Variants in UBXN2A observed in about 807,000 individuals in gnomAD.
The protein encoded by UBXN2A is UBX domain protein 2A.
UBXN2A carries 28 observed loss-of-function variants against 28.4 expected under a neutral mutation model. The ratio of observed to expected loss-of-function variants is 0.99; its 90% confidence interval spans 0.73 to 1.35. The LOEUF is 1.35. UBXN2A is among the 40% of genes most tolerant of loss of function. The pLI, the probability that UBXN2A is intolerant of heterozygous loss-of-function variation, is 0.00. For missense variants in UBXN2A, 253 were observed against 297.9 expected, an observed-to-expected ratio of 0.85 and a Z score of 1.11; for synonymous variants, 97 against 103.6, an observed-to-expected ratio of 0.94 and a Z score of 0.39.
chr2:23,939,845 C>T (rs1331471005), upstream of UBXN2A, among the ~76,000 whole-genome samples: 1 of 152,076 alleles, frequency 6.6e-6, no homozygotes, highest in Non-Finnish European at 1.5e-5. Flanking sequence ...CGCGGTGGCT[C>T]ACGCCTGTAA....
chr2:23,943,111 A>G (rs1055960170), intron 1 of UBXN2A, among the ~76,000 whole-genome samples: 1 of 151,886 alleles, frequency 6.6e-6, no homozygotes, highest in South Asian at 2.1e-4. Flanking sequence ...ATGCGCCACC[A>G]TGCCTGGCTA....
intron 6 of UBXN2A, among the ~76,000 whole-genome samples, chr2:23,989,094 T>C (rs1397975679): frequency 2.6e-5 from 4 of 152,084 alleles, no homozygotes; most frequent in Admixed American, 2.6e-4. Context: ...TTGAAAAGAA[T>C]TGTTTGTGTG....
intron 1 of UBXN2A, among the ~76,000 whole-genome samples, chr2:23,953,971 C>T (rs1573548070): frequency 1.3e-5 from 2 of 152,158 alleles, no homozygotes; most frequent in Admixed American, 6.6e-5. Flanking sequence ...TGCCTAGATT[C>T]ATTATTGCAT....
At position 23,988,872 on chromosome 2, in the gene UBXN2A, G is replaced by A. The variant is rs528563188; in HGVS notation, c.584+4041G>A. Among the ~76,000 whole-genome samples, 5 of 152,240 alleles carry A rather than the reference G, an allele frequency of 3.3e-5. No homozygotes were observed. In the East Asian group the frequency reaches 7.7e-4, roughly 24 times the overall value. ...TTGTCTCAGGTACAGTTTGTGAGAC[G>A]TCCTTTAAACTGATTCCTGTGTTAT... is the stretch of plus-strand genomic sequence containing the variant. On this transcript the variant is annotated intron_variant, in intron 6 of 6. Transcript: ENST00000309033.
At chr2:23,971,183 G>C (rs1707399954) in intron 2 of UBXN2A, 93 bp from the exon 3 acceptor site, 1 of 1,331,878 alleles carries the variant, frequency 7.5e-7, no homozygotes. Flanking sequence ...CATGCACGTA[G>C]CATCTAAGTT....
rs79851837 is a variant in UBXN2A at position 23,966,456 on chromosome 2, CTTTTTTT to C, written c.42-4812_42-4806del. Among the ~76,000 whole-genome samples the C allele has an allele frequency of 2.4e-5, 3 of 122,918 alleles. No homozygotes were observed. The Admixed American group carries it at 2.5e-4, about 10-fold the overall frequency. 80.6% of individuals were successfully genotyped at this position (122,918 alleles called of 152,430 possible). On this transcript the variant is annotated intron_variant, in intron 2 of 6. Coordinates refer to ENST00000309033, the MANE Select transcript of UBXN2A (RefSeq NM_181713.4). ...GGCCTGGTAGATATTTTCTTTTTTTCTTTTTTTTTTTTTTGAGACAGAGTCTCGCTCT... is the reference window on the plus strand; with the variant it reads ...GGCCTGGTAGATATTTTCTTTTTTTCTTTTTTTGAGACAGAGTCTCGCTCT...
At chr2:23,992,447 A>G (rs1364310105) in intron 6 of UBXN2A, among the ~76,000 whole-genome samples, 1 of 152,252 alleles carries the variant, frequency 6.6e-6, no homozygotes, top group South Asian at 2.1e-4. Context: ...CTGTTCGTTC[A>G]GATTCTTCGT....
Position 23,940,631 on chromosome 2 carries a change from G to C in UBXN2A, c.-32G>C, listed in dbSNP as rs1278659626. 3.3e-5 allele frequency: 5 copies of C among 151,616 alleles called. No individual in the cohort carries two copies. The East Asian group carries it at 9.6e-4, about 29-fold the overall frequency. 9.4% of individuals were successfully genotyped at this position (151,616 alleles called of 1,614,324 possible). A position where few individuals can be genotyped will look rare whatever the true frequency, so the allele number is the denominator to read the frequency against. ...GCCTGAGCTGAGTGAGGCCGAGGCCGGGAGGCCGTGCCCGGAGGTGAGCGT... is the reference window on the plus strand; with the variant it reads ...GCCTGAGCTGAGTGAGGCCGAGGCCCGGAGGCCGTGCCCGGAGGTGAGCGT... On this transcript the variant is annotated 5_prime_UTR_variant, in exon 1 of 7. Transcript: ENST00000309033.
At chr2:23,931,979 C>T (rs1426267477) in intron 1 of UBXN2A, among the ~76,000 whole-genome samples, 5 of 151,760 alleles carry the variant, frequency 3.3e-5, no homozygotes, top group Admixed American at 3.3e-4. Context: ...CCATTGCACT[C>T]CAGCCTGGGT....
At chr2:23,949,465 G>A (rs901303475) in intron 1 of UBXN2A, among the ~76,000 whole-genome samples, 1 of 151,984 alleles carries the variant, frequency 6.6e-6, no homozygotes, top group Admixed American at 6.6e-5. Context: ...CCAGCTACTC[G>A]GGAGGCTGAG....
chr2:23,982,905 T>G lies in UBXN2A; in HGVS notation c.297T>G (p.Pro99=). 6.2e-7 allele frequency: 1 copy of G among 1,603,242 alleles called. No homozygotes were observed. Among genetic ancestry groups the G allele is most frequent in the Non-Finnish European group, 8.5e-7 (1 of 1,175,556 alleles). ...TTCTTTGTTTTCCAAGGGAATTACC[T>G]TCAGAATTACAGGGAATTTTTGATA... is the stretch of plus-strand genomic sequence containing the variant. ...FLNSIKKGEL[P]SELQGIFDKE... The change falls in exon 5 of 7, where the codon CCT becomes CCG. Residue 99 remains proline (P), a synonymous_variant. Coordinates refer to ENST00000309033, the MANE Select transcript of UBXN2A (RefSeq NM_181713.4).
At chr2:23,934,641 T>G (rs187943140) in intron 1 of UBXN2A, among the ~76,000 whole-genome samples, 61 of 152,314 alleles carry the variant, frequency 4.0e-4, no homozygotes, top group African/African-American at 1.4e-3. Context: ...GAAAAGTACT[T>G]TGGAGAGTAT....
chr2:23,948,007 A>C (rs1337167116), intron 1 of UBXN2A, among the ~76,000 whole-genome samples: 1 of 151,762 alleles, frequency 6.6e-6, no homozygotes, highest in Admixed American at 6.6e-5. Context: ...GGTGCCCACC[A>C]CCATGCACGG....
chr2:23,941,818 A>C (rs533318012), intron 1 of UBXN2A, among the ~76,000 whole-genome samples: 44 of 152,338 alleles, frequency 2.9e-4, no homozygotes, highest in Admixed American at 2.3e-3. Flanking sequence ...CACGCCTGTA[A>C]TCCCAGCACT....
intron 6 of UBXN2A, among the ~76,000 whole-genome samples, chr2:23,987,209 A>G (rs1425089553): frequency 1.7e-5 from 2 of 120,114 alleles, no homozygotes; most frequent in East Asian, 4.3e-4. Flanking sequence ...TGGTACAGAT[A>G]AATAACAAAT....
chr2:23,949,857 A>T (rs1184363464), intron 1 of UBXN2A, among the ~76,000 whole-genome samples: 1 of 148,222 alleles, frequency 6.7e-6, no homozygotes, highest in African/African-American at 2.5e-5. Flanking sequence ...CCTGGGCAAC[A>T]GAGCAAGACT....
chr2:23,957,586 G>C (rs893310793), intron 1 of UBXN2A, among the ~76,000 whole-genome samples: 1 of 152,030 alleles, frequency 6.6e-6, no homozygotes. Context: ...TGTAATCCCA[G>C]GACTTTGAGA....
intron 1 of UBXN2A, among the ~76,000 whole-genome samples, chr2:23,931,430 A>G (rs990825301): frequency 1.3e-5 from 2 of 152,186 alleles, no homozygotes; most frequent in African/African-American, 4.8e-5. Flanking sequence ...TGGGCAACAG[A>G]GTGAGACCCT....
intron 6 of UBXN2A, among the ~76,000 whole-genome samples, chr2:23,996,047 C>T (rs1050530808): frequency 2.0e-5 from 3 of 149,412 alleles, no homozygotes; most frequent in Non-Finnish European, 4.4e-5. Flanking sequence ...TACAGGTGTG[C>T]GTCACCACGC....
Sources: gnomAD v4.1 joint callset for allele counts (sites outside exome capture counted in the v4.1 genomes callset) on GRCh38, gnomAD v4.1.1 for gene constraint, MANE v1.5 for transcripts, NCBI Gene and HGNC (gene_info 2026-07-23, HGNC 2026-07-21) for gene names.